Variants in SMARCA2 observed in about 807,000 individuals in gnomAD.
SMARCA2 encodes SWI/SNF-related matrix-associated actin-dependent regulator of chromatin subfamily A member 2.
Under a neutral mutation model 199.8 loss-of-function variants are expected in SMARCA2, and 61 were observed. The ratio of observed to expected loss-of-function variants is 0.31; its 90% CI spans 0.25 to 0.38. The LOEUF is 0.38. Ranked by LOEUF, SMARCA2 falls within the 10% of genes least tolerant of loss-of-function variation. The probability of loss-of-function intolerance (pLI) is 1.00; values close to 1 mark genes in which losing one functional copy is unlikely to be tolerated. For synonymous variants in SMARCA2, 935 were observed against 732.0 expected, an observed-to-expected ratio of 1.28 and a Z score of -4.48; for missense variants, 1,344 against 2,012.2, an observed-to-expected ratio of 0.67 and a Z score of 6.35.
rs773384700 is a variant in SMARCA2 at position 2,169,012 on chromosome 9, T to A, written c.4200-1407T>A. On this transcript the variant is annotated intron_variant, in intron 28 of 33. Transcript: ENST00000349721. The surrounding 1 kb of genome is among the most constrained non-coding windows in gnomAD (Gnocchi z 6.5). Reference sequence around the variant, plus strand: ...TCGTGCACATTCGGAGATGACATGGTCTACTTAAGCTTCTGTGTCTCCTTG... The same window carrying A: ...TCGTGCACATTCGGAGATGACATGGACTACTTAAGCTTCTGTGTCTCCTTG... Among the ~76,000 whole-genome samples, 9 of 152,218 alleles carry A rather than the reference T, an allele frequency of 5.9e-5. No individual in the cohort carries two copies. Among genetic ancestry groups the A allele is most frequent in the Non-Finnish European group, 1.3e-4 (9 of 68,046 alleles).
intron 31 of SMARCA2, among the ~76,000 whole-genome samples, chr9:2,182,889 C>G (rs1416321791): frequency 1.3e-5 from 2 of 151,962 alleles, no homozygotes; most frequent in Admixed American, 6.6e-5. Flanking sequence ...CTCCCTGGTT[C>G]AAGGGATTTT....
rs7043740 is a variant in SMARCA2 at position 2,114,952 on chromosome 9, T to C, written c.3457-870T>C. Among the ~76,000 whole-genome samples the C allele has an allele frequency of 8.3e-3, 1,263 of 152,250 alleles. 22 individuals are homozygous for C. The highest frequency in any genetic ancestry group is 0.029 in the African/African-American group (1,208 of 41,538). On this transcript the variant is annotated intron_variant, in intron 24 of 33. Transcript: ENST00000349721. ...TTTTCACTTATGTCATTAAATCTCC[T>C]ACAATATAATTTTTATGATACTTTG...
chr9:2,191,095 G>C (rs181062274), intron 32 of SMARCA2, among the ~76,000 whole-genome samples, 171 bp from the exon 33 acceptor site: 220 of 152,294 alleles, frequency 1.4e-3, no homozygotes, highest in Middle Eastern at 3.4e-3. Context: ...AGGTTGGCAA[G>C]TGAAAGGGGT....
chr9:2,163,480 G>A (rs549330370), intron 28 of SMARCA2, among the ~76,000 whole-genome samples: 1 of 152,132 alleles, frequency 6.6e-6, no homozygotes, highest in African/African-American at 2.4e-5. Flanking sequence ...TAACTCTTAC[G>A]TTTTTACTCA....
At chr9:2,094,937 A>G (rs999307490) in intron 19 of SMARCA2, among the ~76,000 whole-genome samples, 12 of 152,170 alleles carry the variant, frequency 7.9e-5, no homozygotes, top group African/African-American at 2.7e-4. Flanking sequence ...GAAAAAGTAG[A>G]AGCCTGGGGT....
chr9:2,173,960 C>G (rs1461797219), intron 29 of SMARCA2, among the ~76,000 whole-genome samples: 1 of 152,172 alleles, frequency 6.6e-6, no homozygotes. Flanking sequence ...ATTTTGCCCT[C>G]ATTACAAATA....
At chr9:2,084,294 C>T in intron 17 of SMARCA2, 98 bp downstream of exon 17, 2 of 639,540 alleles carry the variant, frequency 3.1e-6, no homozygotes, top group Non-Finnish European at 5.3e-6. Context: ...CCTTAGATGG[C>T]TTGTCCTTTT....
intron 13 of SMARCA2, 128 bp from the exon 14 acceptor site, chr9:2,077,501 A>C: frequency 1.2e-6 from 1 of 834,304 alleles, no homozygotes; most frequent in Non-Finnish European, 1.9e-6. Flanking sequence ...CTGCATGGCA[A>C]GTCGTGGTTG....
chr9:2,083,861 C>T (rs994738309), intron 16 of SMARCA2, among the ~76,000 whole-genome samples: 1 of 152,140 alleles, frequency 6.6e-6, no homozygotes, highest in African/African-American at 2.4e-5. Flanking sequence ...TTCCCTTTGC[C>T]CTCCCACTGT....
chr9:2,190,581 C>A (rs527327626), intron 32 of SMARCA2, among the ~76,000 whole-genome samples: 1 of 152,226 alleles, frequency 6.6e-6, no homozygotes, highest in African/African-American at 2.4e-5. Flanking sequence ...TATATACTTA[C>A]TTGAATTCTT....
chr9:2,020,394 G>A (rs1290121110), intron 1 of SMARCA2, among the ~76,000 whole-genome samples: 2 of 152,070 alleles, frequency 1.3e-5, no homozygotes, highest in Admixed American at 6.5e-5. Flanking sequence ...TGGGTCATTC[G>A]CTAAGTAGTG....
chr9:2,029,211 A>G lies in SMARCA2; in HGVS notation c.189A>G (p.Thr63=), dbSNP rs752638398. 89 of 1,612,806 alleles carry G rather than the reference A, an allele frequency of 5.5e-5. No homozygotes were observed. Among genetic ancestry groups the G allele is most frequent in the Non-Finnish European group, 4.3e-5 (51 of 1,179,424 alleles). The part of the protein sequence containing the change: ...VSHPMPTMGS[T]DFPQEGMHQM... ...ATCCTATGCCGACGATGGGGTCCAC[A>G]GACTTCCCACAGGAAGGCATGCATC... Residue 63 remains threonine, a synonymous_variant, in exon 2 of 34, where the codon ACA becomes ACG. Transcript: ENST00000349721.
chr9:2,073,045 T>C, intron 10 of SMARCA2, 167 bp from the exon 11 acceptor site: 1 of 692,488 alleles, frequency 1.4e-6, no homozygotes, highest in Admixed American at 3.3e-5. Flanking sequence ...GTTTCTTTAG[T>C]GGGAGGTAGC....
rs974387294 is a variant in SMARCA2 at position 2,110,901 on chromosome 9, A to G, written c.3456+484A>G. On this transcript the variant is annotated intron_variant, in intron 24 of 33. Transcript: ENST00000349721. This position sits in a 1 kb window ranked among gnomAD's most constrained non-coding sequence, Gnocchi z 4.8. The stretch of plus-strand genomic sequence containing the variant: ...AGGGTAAGTAACTTCCCCAAGGCCA[A>G]ATAGTATTACAGTAGTTAACCTTTT... 6.6e-6 allele frequency among the ~76,000 whole-genome samples: 1 copy of G among 152,222 alleles called. No homozygotes were observed. The highest frequency in any genetic ancestry group is 1.5e-5 in the Non-Finnish European group (1 of 68,036).
At chr9:2,167,520 G>A (rs954745701) in intron 28 of SMARCA2, among the ~76,000 whole-genome samples, 1 of 152,230 alleles carries the variant, frequency 6.6e-6, no homozygotes, top group Non-Finnish European at 1.5e-5. Context: ...CCTGGTCAGT[G>A]CCTGGTCAGT....
chr9:2,117,404 T>A (rs1370488483), intron 25 of SMARCA2, among the ~76,000 whole-genome samples: 1 of 152,182 alleles, frequency 6.6e-6, no homozygotes, highest in Non-Finnish European at 1.5e-5. Flanking sequence ...TTGAAAAATT[T>A]TTATCTCAAA....
At chr9:2,183,319 T>C (rs1370383302) in intron 31 of SMARCA2, among the ~76,000 whole-genome samples, 1 of 152,230 alleles carries the variant, frequency 6.6e-6, no homozygotes, top group Non-Finnish European at 1.5e-5. Context: ...TAATCCTTTT[T>C]ATCAGCCCAA....
rs115506443 is a variant in SMARCA2, at chr9:2,024,242, C to G, written c.-36-4745C>G. On this transcript the variant is annotated intron_variant, in intron 1 of 33. Transcript: ENST00000349721. Reference sequence around the variant, plus strand: ...AGGCCTTGCTGAAATGCTACCTTCTCCATTACACTTTACCTAATTCCTTTC... The same window carrying G: ...AGGCCTTGCTGAAATGCTACCTTCTGCATTACACTTTACCTAATTCCTTTC... Among the ~76,000 whole-genome samples, 1,142 of 152,220 alleles carry G rather than the reference C, an allele frequency of 7.5e-3. 26 individuals are homozygous for G. The highest frequency in any genetic ancestry group is 0.026 in the African/African-American group (1,088 of 41,518).
chr9:2,162,785 G>A (rs530142353), intron 28 of SMARCA2: 2 of 152,246 alleles, frequency 1.3e-5, no homozygotes, highest in South Asian at 4.1e-4. Flanking sequence ...ATTCCTGGAG[G>A]TACTGCAGTA....
Sources: allele counts gnomAD v4.1 joint callset (sites outside exome capture counted in the v4.1 genomes callset), GRCh38; gene constraint gnomAD v4.1.1; non-coding constraint Gnocchi (gnomAD v3.1); transcripts MANE v1.5; gene names NCBI Gene and HGNC (gene_info 2026-07-23, HGNC 2026-07-21).